CDIN1: variants seen among roughly 807,000 people sequenced by gnomAD.
CDIN1 encodes the protein CDAN1-interacting nuclease 1.
A neutral mutation model predicts 45.3 loss-of-function variants in CDIN1; 33 were observed. The observed-to-expected ratio is 0.73, with a 90% CI of 0.55 to 0.97. The LOEUF (loss-of-function observed/expected upper bound fraction) is 0.97, where lower values mean the gene tolerates loss of function less well. Among genes scored for constraint, CDIN1 ranks in the 50% least tolerant of loss-of-function variants. The pLI, the probability that CDIN1 is intolerant of heterozygous loss-of-function variation, is 0.00. For synonymous variants in CDIN1, 118 were observed against 124.4 expected (o/e 0.95, Z 0.34); for missense variants, 303 against 339.4 (o/e 0.89, Z 0.84).
chr15:36,729,980 T>C (rs1022337314), intron 10 of CDIN1, among the ~76,000 whole-genome samples: 45 of 152,318 alleles, frequency 3.0e-4, no homozygotes, highest in African/African-American at 1.1e-3. Context: ...TTTAGCTTTA[T>C]TTCAAGGTCT....
At chr15:36,713,554 G>A (rs966213782) in intron 10 of CDIN1, among the ~76,000 whole-genome samples, 12 of 152,100 alleles carry the variant, frequency 7.9e-5, no homozygotes, top group African/African-American at 1.9e-4. Context: ...AACTTACTGT[G>A]TTTTCTCCTC....
intron 1 of CDIN1, chr15:36,613,598 G>T (rs745311612): frequency 6.8e-7 from 1 of 1,466,434 alleles, no homozygotes; most frequent in African/African-American, 1.4e-5. Flanking sequence ...GCGGGCCCGG[G>T]AACAGGCTGA....
intron 3 of CDIN1, chr15:36,647,518 C>G (rs894865664): frequency 6.6e-6 from 1 of 152,184 alleles, no homozygotes; most frequent in Admixed American, 6.5e-5. Flanking sequence ...TGACCACTTT[C>G]TGACTTTACC....
intron 8 of CDIN1, chr15:36,702,183 C>T: frequency 1.4e-6 from 1 of 699,786 alleles, no homozygotes; most frequent in East Asian, 2.7e-5. Flanking sequence ...CATTTAAATT[C>T]TTGTCTATCC....
intron 5 of CDIN1, among the ~76,000 whole-genome samples, chr15:36,658,722 T>C (rs1230750187): frequency 6.6e-6 from 1 of 152,198 alleles, no homozygotes; most frequent in Non-Finnish European, 1.5e-5. Context: ...CACATAATCT[T>C]CCCTCTTTGA....
In CDIN1 at chr15:36,809,028, C is replaced by T; in HGVS notation, c.*575C>T. On this transcript the variant is annotated 3_prime_UTR_variant, in exon 11 of 11. Coordinates refer to ENST00000566621, the MANE Select transcript of CDIN1 (RefSeq NM_001321759.2). ...TCCAGAAGACCTTGATGGCAGCCTG[C>T]CTATGCTGTGTGTTTGCTATATTCA... is the stretch of plus-strand genomic sequence containing the variant. 1 of 453,190 alleles carries T rather than the reference C, an allele frequency of 2.2e-6. No homozygotes were observed. Among genetic ancestry groups the T allele is most frequent in the Non-Finnish European group, 4.4e-6 (1 of 225,406 alleles). The allele number at this position is 453,190 out of a possible 1,614,324, so 28.1% of individuals were successfully genotyped here.
intron 5 of CDIN1, among the ~76,000 whole-genome samples, chr15:36,673,504 C>T (rs2041528109): frequency 6.6e-6 from 1 of 151,974 alleles, no homozygotes; most frequent in South Asian, 2.1e-4. Flanking sequence ...TATTGCATTC[C>T]TCCTGCAACA....
intron 3 of CDIN1, among the ~76,000 whole-genome samples, chr15:36,653,077 A>G (rs2040635289): frequency 6.6e-6 from 1 of 152,192 alleles, no homozygotes; most frequent in African/African-American, 2.4e-5. Flanking sequence ...ATTAAATAAA[A>G]TACAATTCTC....
chr15:36,809,072 C>G lies in CDIN1; in HGVS notation c.*619C>G. Reference sequence around the variant, plus strand: ...ATATTCAATCTTTACGGCTTCCTGACTTCTGTGACAGTAAGCCAAGTGCAA... The same window carrying G: ...ATATTCAATCTTTACGGCTTCCTGAGTTCTGTGACAGTAAGCCAAGTGCAA... On this transcript the variant is annotated 3_prime_UTR_variant, in exon 11 of 11. Coordinates refer to ENST00000566621, the MANE Select transcript of CDIN1 (RefSeq NM_001321759.2). 1 of 380,250 alleles carries G rather than the reference C, an allele frequency of 2.6e-6. No individual in the cohort carries two copies. Among genetic ancestry groups the G allele is most frequent in the South Asian group, 1.9e-5 (1 of 52,048 alleles). The allele number at this position is 380,250 out of a possible 1,614,324, so 23.6% of individuals were successfully genotyped here.
chr15:36,768,291 A>T (rs1245635800), intron 10 of CDIN1, among the ~76,000 whole-genome samples: 1 of 152,184 alleles, frequency 6.6e-6, no homozygotes, highest in East Asian at 1.9e-4. Context: ...AAGTCCTAGG[A>T]TCCGTTTAGC....
chr15:36,673,644 T>C (rs1272000129), intron 5 of CDIN1, among the ~76,000 whole-genome samples: 3 of 152,218 alleles, frequency 2.0e-5, no homozygotes, highest in African/African-American at 7.2e-5. Context: ...TGGAGCTGAA[T>C]CGTATAAATT....
chr15:36,617,662 G>A lies in CDIN1; in HGVS notation c.102-26616G>A. 6.5e-6 allele frequency: 5 copies of A among 767,140 alleles called. 1 individual carries two copies. Among genetic ancestry groups the A allele is most frequent in the Non-Finnish European group, 1.2e-5 (5 of 412,948 alleles). 47.5% of individuals were successfully genotyped at this position (767,140 alleles called of 1,614,324 possible). A position where few individuals can be genotyped will look rare whatever the true frequency, so the allele number is the denominator to read the frequency against. On this transcript the variant is annotated intron_variant, in intron 1 of 10. Coordinates refer to ENST00000566621, the MANE Select transcript of CDIN1 (RefSeq NM_001321759.2). ...ACAAATTGATGAGAAGGGTAAAAAA[G>A]TGAGCCAAGTCATAAGCGTTGTATT...
At chr15:36,676,746 A>C (rs1453251216) in intron 5 of CDIN1, among the ~76,000 whole-genome samples, 2 of 152,140 alleles carry the variant, frequency 1.3e-5, no homozygotes, top group African/African-American at 4.8e-5. Context: ...GTTGGGCCCC[A>C]GTGAGCCCAG....
chr15:36,659,470 T>C (rs928997263), intron 5 of CDIN1, among the ~76,000 whole-genome samples: 3 of 152,176 alleles, frequency 2.0e-5, no homozygotes, highest in Non-Finnish European at 4.4e-5. Flanking sequence ...ATTTCAAGAA[T>C]GTGGCTGCTT....
rs78645345 is a variant in CDIN1 at position 36,666,973 on chromosome 15, A to T, written c.346+9068A>T. Among the ~76,000 whole-genome samples the T allele has an allele frequency of 3.5e-3, 537 of 152,352 alleles. 3 individuals are homozygous for T. The highest frequency in any genetic ancestry group is 0.012 in the African/African-American group (507 of 41,588). On this transcript the variant is annotated intron_variant, in intron 5 of 10. Coordinates refer to ENST00000566621, the MANE Select transcript of CDIN1 (RefSeq NM_001321759.2). ...GTAGTATTATCCCCATCTACAGATGAGGCAACCGAGGTACCCAGAGCTTAA... is the reference window on the plus strand; with the variant it reads ...GTAGTATTATCCCCATCTACAGATGTGGCAACCGAGGTACCCAGAGCTTAA...
chr15:36,795,093 G>A (rs2054759076), intron 10 of CDIN1, among the ~76,000 whole-genome samples: 1 of 152,156 alleles, frequency 6.6e-6, no homozygotes. Flanking sequence ...TGATCTCATG[G>A]GGGTAAAGAG....
At chr15:36,676,679 A>G (rs2041661939) in intron 5 of CDIN1, among the ~76,000 whole-genome samples, 1 of 152,038 alleles carries the variant, frequency 6.6e-6, no homozygotes, top group African/African-American at 2.4e-5. Context: ...GCTGCCATGA[A>G]CTTTCTCCTC....
At chr15:36,686,140 G>A (rs2042034039) in intron 5 of CDIN1, among the ~76,000 whole-genome samples, 1 of 152,076 alleles carries the variant, frequency 6.6e-6, no homozygotes, top group Non-Finnish European at 1.5e-5. Flanking sequence ...ATTCACGATA[G>A]CAAAGACTTG....
chr15:36,727,777 A>G (rs1196119548), intron 10 of CDIN1, among the ~76,000 whole-genome samples: 2 of 152,162 alleles, frequency 1.3e-5, no homozygotes, highest in Non-Finnish European at 2.9e-5. Context: ...GCCCTCTGAC[A>G]TATCCAGCTC....
Sources: gnomAD v4.1 joint callset for allele counts (sites outside exome capture counted in the v4.1 genomes callset) on GRCh38, gnomAD v4.1.1 for gene constraint, MANE v1.5 for transcripts, NCBI Gene and HGNC (gene_info 2026-07-23, HGNC 2026-07-21) for gene names.